RARG: variants seen among roughly 807,000 people sequenced by gnomAD.
RARG encodes RAR-gamma.
In RARG, 17 loss-of-function variants were observed where a neutral mutation model predicts 43.7. That is an observed-to-expected ratio of 0.39 (90% CI 0.27 to 0.58). The LOEUF is 0.58. Ranked by LOEUF, RARG falls within the 20% of genes least tolerant of loss-of-function variation. The pLI is 0.57. For synonymous variants in RARG, 238 were observed against 236.4 expected (o/e 1.01, Z -0.06); for missense variants, 346 against 598.7 (o/e 0.58, Z 4.40).
chr12:53,220,583 T>C (rs1378324201), intron 3 of RARG, among the ~76,000 whole-genome samples: 1 of 152,104 alleles, frequency 6.6e-6, no homozygotes, highest in Non-Finnish European at 1.5e-5. Context: ...TGAACATACA[T>C]GTGAGCACGC....
Position 53,213,536 on chromosome 12 carries a change from G to T in RARG, c.978C>A (p.Thr326=). 6.2e-7 allele frequency: 1 copy of T among 1,614,036 alleles called. No individual in the cohort carries two copies. The highest frequency in any genetic ancestry group is 8.5e-7 in the Non-Finnish European group (1 of 1,180,024). The change falls in exon 8 of 10, where the codon ACC becomes ACA. Residue 326 remains threonine, a synonymous_variant. Coordinates refer to ENST00000425354, the MANE Select transcript of RARG (RefSeq NM_000966.6). This position sits in a 1 kb window ranked among gnomAD's most constrained non-coding sequence, Gnocchi z 4.7. ...GQLLPLEMDD[T]ETGLLSAICL... ...AGATGGCGCTGAGCAGCCCTGTCTC[G>T]GTGTCATCCATCTCCAGGGGCAGGA...
chr12:53,219,948 A>T, intron 3 of RARG: 1 of 1,514,884 alleles, frequency 6.6e-7, no homozygotes, highest in Non-Finnish European at 8.9e-7. Flanking sequence ...TCCGGTACCT[A>T]CATTGCAGGC....
chr12:53,215,619 G>A lies in RARG; in HGVS notation c.333+27C>T, dbSNP rs199918738. ...TCTTACTAGGGTAACTGGATCCCCC[G>A]TCTGCCCACTCCCACCACGTACACA... is the stretch of plus-strand genomic sequence containing the variant. On this transcript the variant is annotated intron_variant, in intron 4 of 9. Coordinates refer to ENST00000425354, the MANE Select transcript of RARG (RefSeq NM_000966.6). This position sits in a 1 kb window ranked among gnomAD's most constrained non-coding sequence, Gnocchi z 6.4. 94 of 1,602,058 alleles carry A rather than the reference G, an allele frequency of 5.9e-5. 1 individual carries two copies. The East Asian group carries it at 1.2e-3, about 20-fold the overall frequency.
chr12:53,211,497 A>T lies in RARG; in HGVS notation c.*179T>A. ...CCCGGGACTGGCGAGGGAGCCGGTT[A>T]GATCAGGAAGGGGATGAACACAGAG... On this transcript the variant is annotated 3_prime_UTR_variant, in exon 10 of 10. Coordinates refer to ENST00000425354, the MANE Select transcript of RARG (RefSeq NM_000966.6). The surrounding 1 kb of genome is among the most constrained non-coding windows in gnomAD (Gnocchi z 4.6). 1.9e-6 allele frequency: 1 copy of T among 518,974 alleles called. No individual in the cohort carries two copies. Among genetic ancestry groups the T allele is most frequent in the Non-Finnish European group, 3.2e-6 (1 of 316,570 alleles). The allele number at this position is 518,974 out of a possible 1,614,324, so 32.1% of individuals were successfully genotyped here.
chr12:53,220,037 C>G lies in RARG; in HGVS notation c.185-4243G>C, dbSNP rs889820818. On this transcript the variant is annotated intron_variant, in intron 3 of 9. Transcript: ENST00000425354. The stretch of plus-strand genomic sequence containing the variant: ...GTGGCTCTGCGCAGCAAGCCGGCCC[C>G]GGGCCCGGCCGCCCCGTACAGCCGT... 12 of 1,541,156 alleles carry G rather than the reference C, an allele frequency of 7.8e-6. No individual in the cohort carries two copies. The African/African-American group carries it at 1.5e-4, about 19-fold the overall frequency.
Position 53,213,713 on chromosome 12 carries a change from G to A in RARG, c.814-13C>T, listed in dbSNP as rs774203746. ...AGATACGCAGCATCTGGAGGTGGGG[G>A]GTGGAGGAGGGTTAGTGCTGTTTCT... is the stretch of plus-strand genomic sequence containing the variant. On this transcript the variant is annotated splice_polypyrimidine_tract_variant and intron_variant, in intron 7 of 9. Coordinates refer to ENST00000425354, the MANE Select transcript of RARG (RefSeq NM_000966.6). This position sits in a 1 kb window ranked among gnomAD's most constrained non-coding sequence, Gnocchi z 4.7. 6.9e-6 allele frequency: 11 copies of A among 1,597,732 alleles called. No individual in the cohort carries two copies. Among genetic ancestry groups the A allele is most frequent in the Non-Finnish European group, 8.6e-6 (10 of 1,165,970 alleles).
At chr12:53,230,803 C>CATGCTGCCTAGTAG (rs1214830570) in intron 2 of RARG, among the ~76,000 whole-genome samples, 1 of 150,698 alleles carries the variant, frequency 6.6e-6, no homozygotes, top group Non-Finnish European at 1.5e-5. Context: ...GGGGGCGTGC[C>CATGCTGCCTAGTAG]CCATGCTGCC....
intron 3 of RARG, among the ~76,000 whole-genome samples, chr12:53,222,485 G>C (rs1382946189): frequency 6.6e-6 from 1 of 152,182 alleles, no homozygotes; most frequent in African/African-American, 2.4e-5. Flanking sequence ...TCCCAATTAA[G>C]TCAGGCCTGC....
At chr12:53,214,782 T>C in intron 5 of RARG, 176 bp from the exon 6 acceptor site, 1 of 699,518 alleles carries the variant, frequency 1.4e-6, no homozygotes. Flanking sequence ...AGGCTGGTTC[T>C]CCCCAGCCCC....
In RARG at chr12:53,211,767, T is replaced by C; in HGVS notation, c.1274A>G (p.Asp425Gly). Residue 425 changes from aspartate (D) to glycine (G), a missense_variant, in exon 10 of 10, where the codon GAC (aspartate) becomes GGC (glycine). Around this residue, in one of 8 missense-constraint regions of RARG, gnomAD observed 40 missense variants for 44.6 expected, o/e 0.90. Transcript: ENST00000425354. This position sits in a 1 kb window ranked among gnomAD's most constrained non-coding sequence, Gnocchi z 4.6. ...GGGGTGGGGACCAGGCTGCGAGGAG[T>C]CATCCTCAAACATTTCAGGGTTCTC... ...MLENPEMFED[D>G]SSQPGPHPNA... 6.4e-7 allele frequency: 1 copy of C among 1,565,128 alleles called. No homozygotes were observed. Among genetic ancestry groups the C allele is most frequent in the Non-Finnish European group, 8.6e-7 (1 of 1,156,292 alleles).
chr12:53,216,856 G>GCA (rs1942784875), intron 3 of RARG, among the ~76,000 whole-genome samples: 1 of 121,808 alleles, frequency 8.2e-6, no homozygotes, highest in Admixed American at 7.7e-5. Context: ...GCGCGCGCGC[G>GCA]CGCGCGTGTG....
rs138175224 is a variant in RARG, at chr12:53,225,534, C to A, written c.184+1828G>T. On this transcript the variant is annotated intron_variant, in intron 3 of 9. Coordinates refer to ENST00000425354, the MANE Select transcript of RARG (RefSeq NM_000966.6). Reference sequence around the variant, plus strand: ...CAGACACACAACCCTCTGCGTGCCCCCTCCTGGAAGCAGGGCGCCTTCTCT... The same window carrying A: ...CAGACACACAACCCTCTGCGTGCCCACTCCTGGAAGCAGGGCGCCTTCTCT... Among the ~76,000 whole-genome samples, 643 of 152,348 alleles carry A rather than the reference C, an allele frequency of 4.2e-3. 5 individuals are homozygous for A. The highest frequency in any genetic ancestry group is 0.015 in the African/African-American group (611 of 41,574).
intron 2 of RARG, chr12:53,229,878 C>T: frequency 1.1e-6 from 1 of 892,456 alleles, no homozygotes; most frequent in Non-Finnish European, 1.3e-6. Flanking sequence ...AGTGGGGGTC[C>T]CCACAGAGGG....
chr12:53,230,650 G>A (rs1170491084), intron 2 of RARG, among the ~76,000 whole-genome samples: 4 of 152,034 alleles, frequency 2.6e-5, no homozygotes, highest in Non-Finnish European at 5.9e-5. Context: ...CCAGGGAGGG[G>A]CAGTGCCCAG....
intron 3 of RARG, among the ~76,000 whole-genome samples, chr12:53,216,426 G>A (rs1198244663): frequency 6.6e-6 from 1 of 152,210 alleles, no homozygotes; most frequent in Admixed American, 6.5e-5. Flanking sequence ...ATCAGAGACA[G>A]TGGAGCAAAT....
rs752101018 is a variant in RARG at position 53,213,248 on chromosome 12, G to C, written c.1019-5C>G. 5.7e-6 allele frequency: 9 copies of C among 1,566,344 alleles called. 1 individual carries two copies. In the South Asian group the frequency reaches 1.0e-4, roughly 17 times the overall value. ...GCTCCTCCAGGTCCATGCGGTCTAT[G>C]GGGACAAGTATACTGGAGTGAGAGG... is the stretch of plus-strand genomic sequence containing the variant. On this transcript the variant is annotated splice_region_variant and splice_polypyrimidine_tract_variant and intron_variant, in intron 8 of 9. Coordinates refer to ENST00000425354, the MANE Select transcript of RARG (RefSeq NM_000966.6). This position sits in a 1 kb window ranked among gnomAD's most constrained non-coding sequence, Gnocchi z 4.7.
chr12:53,228,871 G>A (rs1340876931), intron 2 of RARG, among the ~76,000 whole-genome samples: 1 of 152,164 alleles, frequency 6.6e-6, no homozygotes, highest in East Asian at 1.9e-4. Flanking sequence ...ACACGCCCGG[G>A]CATTCTGCCT....
Position 53,227,656 on chromosome 12 carries a change from T to G in RARG, c.-111A>C. 1 of 1,341,652 alleles carries G rather than the reference T, an allele frequency of 7.5e-7. No individual in the cohort carries two copies. Among genetic ancestry groups the G allele is most frequent in the South Asian group, 1.9e-5 (1 of 52,952 alleles). The allele number at this position is 1,341,652 out of a possible 1,614,324, so 83.1% of individuals were successfully genotyped here. On this transcript the variant is annotated 5_prime_UTR_variant, in exon 3 of 10. Transcript: ENST00000425354. The surrounding 1 kb of genome is among the most constrained non-coding windows in gnomAD (Gnocchi z 4.3). Reference sequence around the variant, plus strand: ...AGCCTGGGAGGCTCCGTACCCGCCCTGCCTGGCCTGCCCACTGGGCCTCCA... The same window carrying G: ...AGCCTGGGAGGCTCCGTACCCGCCCGGCCTGGCCTGCCCACTGGGCCTCCA...
intron 3 of RARG, among the ~76,000 whole-genome samples, chr12:53,223,534 G>T (rs953337105): frequency 2.4e-5 from 1 of 41,988 alleles, no homozygotes; most frequent in Non-Finnish European, 5.2e-5. Flanking sequence ...CCCCCCCCCC[G>T]CCCAAGAGGT....
Sources: allele counts gnomAD v4.1 joint callset (sites outside exome capture counted in the v4.1 genomes callset), GRCh38; gene constraint gnomAD v4.1.1; regional missense constraint gnomAD v4.1.1; non-coding constraint Gnocchi (gnomAD v3.1); transcripts MANE v1.5; gene names NCBI Gene and HGNC (gene_info 2026-07-23, HGNC 2026-07-21).